The following NACC2 variants were observed in gnomAD, a reference collection of about 807,000 sequenced individuals.
The protein encoded by NACC2 is NACC family member 2.
A neutral mutation model predicts 25.1 loss-of-function variants in NACC2; 8 were observed. That is an observed-to-expected ratio of 0.32 (90% CI 0.19 to 0.57). NACC2 has a LOEUF of 0.57. Ranked by LOEUF, NACC2 falls within the 20% of genes least tolerant of loss-of-function variation. The probability of loss-of-function intolerance (pLI) is 0.89; values close to 1 mark genes in which losing one functional copy is unlikely to be tolerated. For synonymous variants in NACC2, 435 were observed against 294.7 expected, an observed-to-expected ratio of 1.48 and a Z score of -4.88; for missense variants, 644 against 650.2, an observed-to-expected ratio of 0.99 and a Z score of 0.10.
rs913846856 is a variant in NACC2 at position 136,083,172 on chromosome 9, C to T, written c.-60+12017G>A. On this transcript the variant is annotated intron_variant, in intron 1 of 5. Transcript: ENST00000277554. ...TGGAGCGGAGGCTGTTGACATCACACGCTCCCAACAGAAGAGCCAGTGGCC... is the reference window on the plus strand; with the variant it reads ...TGGAGCGGAGGCTGTTGACATCACATGCTCCCAACAGAAGAGCCAGTGGCC... 1.1e-4 allele frequency among the ~76,000 whole-genome samples: 16 copies of T among 152,242 alleles called. No individual in the cohort carries two copies. In the East Asian group the frequency reaches 1.9e-3, roughly 18 times the overall value.
chr9:136,048,645 G>A (rs1048193895), intron 2 of NACC2, among the ~76,000 whole-genome samples: 2 of 152,224 alleles, frequency 1.3e-5, no homozygotes. Context: ...TCCTGCAGGC[G>A]GAGAGGGAGC....
At chr9:136,078,465 T>TA (rs1254494099) in intron 1 of NACC2, among the ~76,000 whole-genome samples, 2 of 152,222 alleles carry the variant, frequency 1.3e-5, no homozygotes, top group African/African-American at 4.8e-5. Context: ...ATTTAATCCT[T>TA]AAAGTAAGCG....
intron 1 of NACC2, among the ~76,000 whole-genome samples, chr9:136,079,493 G>T (rs1425708491): frequency 6.6e-6 from 1 of 152,224 alleles, no homozygotes; most frequent in African/African-American, 2.4e-5. Flanking sequence ...ACGCCAGCAG[G>T]TGGGGCAGCA....
chr9:136,032,880 T>C (rs920680661), intron 2 of NACC2, among the ~76,000 whole-genome samples: 2 of 151,660 alleles, frequency 1.3e-5, no homozygotes, highest in African/African-American at 4.9e-5. Context: ...TACCCAGACA[T>C]GGTGGCAGGC....
chr9:136,015,964 G>A (rs760729364), intron 3 of NACC2, among the ~76,000 whole-genome samples: 10 of 152,300 alleles, frequency 6.6e-5, no homozygotes, highest in Middle Eastern at 3.4e-3. Flanking sequence ...CTCGCGGGGC[G>A]GGGGGACTGG....
At chr9:136,052,520 C>T (rs1288805246) in intron 1 of NACC2, among the ~76,000 whole-genome samples, 5 of 152,044 alleles carry the variant, frequency 3.3e-5, no homozygotes. Flanking sequence ...AAGAGAGGCA[C>T]AGAAACGGCA....
At position 136,088,790 on chromosome 9, in the gene NACC2, G is replaced by A. The variant is rs73554858; in HGVS notation, c.-60+6399C>T. Among the ~76,000 whole-genome samples, 355 of 152,292 alleles carry A rather than the reference G, an allele frequency of 2.3e-3. 2 individuals are homozygous for A. Among genetic ancestry groups the A allele is most frequent in the Middle Eastern group, 0.014 (4 of 294 alleles). On this transcript the variant is annotated intron_variant, in intron 1 of 5. Transcript: ENST00000277554. Reference sequence around the variant, plus strand: ...TGAGGGCTCAGGCCTGGGCGTGGAGGGCGGGATGGGCAGAAAGCACAAGGG... The same window carrying A: ...TGAGGGCTCAGGCCTGGGCGTGGAGAGCGGGATGGGCAGAAAGCACAAGGG...
At position 136,013,507 on chromosome 9, in the gene NACC2, G is replaced by A. The variant is rs1268010644; in HGVS notation, c.1158-211C>T. Among the ~76,000 whole-genome samples the A allele has an allele frequency of 6.6e-6, 1 of 152,236 alleles. No homozygotes were observed. The highest frequency in any genetic ancestry group is 1.5e-5 in the Non-Finnish European group (1 of 68,042). ...GGCTGAGAAGATGACCGGGTGATGG[G>A]GCTGCAAGGTGACCTGAGCCTTGTC... On this transcript the variant is annotated intron_variant, in intron 4 of 5. Coordinates refer to ENST00000277554, the MANE Select transcript of NACC2 (RefSeq NM_144653.5). This position sits in a 1 kb window ranked among gnomAD's most constrained non-coding sequence, Gnocchi z 6.6.
chr9:136,015,813 C>T (rs1440716269), intron 3 of NACC2, among the ~76,000 whole-genome samples: 1 of 152,232 alleles, frequency 6.6e-6, no homozygotes, highest in Non-Finnish European at 1.5e-5. Flanking sequence ...AGGAATCCAA[C>T]ACAAAAGGTA....
intron 1 of NACC2, among the ~76,000 whole-genome samples, chr9:136,093,030 G>A (rs1357796396): frequency 6.6e-6 from 1 of 152,170 alleles, no homozygotes; most frequent in Non-Finnish European, 1.5e-5. Flanking sequence ...TGGGGCCACT[G>A]GGCACTCGGT....
At chr9:136,027,123 G>T (rs1404116740) in intron 2 of NACC2, among the ~76,000 whole-genome samples, 2 of 152,222 alleles carry the variant, frequency 1.3e-5, no homozygotes, top group African/African-American at 2.4e-5. Context: ...TACTCGGGAG[G>T]CTGAGGCACA....
chr9:136,058,057 C>T (rs2131168721), intron 1 of NACC2, among the ~76,000 whole-genome samples: 1 of 152,216 alleles, frequency 6.6e-6, no homozygotes, highest in East Asian at 1.9e-4. Flanking sequence ...GCTTAAAACT[C>T]TCATGTAAAT....
At position 136,086,162 on chromosome 9, in the gene NACC2, T is replaced by C. The variant is rs1279024227; in HGVS notation, c.-60+9027A>G. Among the ~76,000 whole-genome samples the C allele has an allele frequency of 6.6e-6, 1 of 152,154 alleles. No individual in the cohort carries two copies. The highest frequency in any genetic ancestry group is 2.4e-5 in the African/African-American group (1 of 41,444). Reference sequence around the variant, plus strand: ...CCCTTGTTGGACATTCTAAAAACCTTCAGAAGCCACTCCCTGAATGTGGCC... The same window carrying C: ...CCCTTGTTGGACATTCTAAAAACCTCCAGAAGCCACTCCCTGAATGTGGCC... On this transcript the variant is annotated intron_variant, in intron 1 of 5. Coordinates refer to ENST00000277554, the MANE Select transcript of NACC2 (RefSeq NM_144653.5). The surrounding 1 kb of genome is among the most constrained non-coding windows in gnomAD (Gnocchi z 5.6).
chr9:136,086,703 C>A lies in NACC2; in HGVS notation c.-60+8486G>T, dbSNP rs1033402962. 2.6e-5 allele frequency among the ~76,000 whole-genome samples: 4 copies of A among 152,212 alleles called. No homozygotes were observed. Among genetic ancestry groups the A allele is most frequent in the Admixed American group, 2.6e-4 (4 of 15,286 alleles). Reference sequence around the variant, plus strand: ...ATGACAACGCCGACTCCTAGGAAAACCCTCCCCGACCAGTGGCCCCGTTTC... The same window carrying A: ...ATGACAACGCCGACTCCTAGGAAAAACCTCCCCGACCAGTGGCCCCGTTTC... On this transcript the variant is annotated intron_variant, in intron 1 of 5. Transcript: ENST00000277554. The surrounding 1 kb of genome is among the most constrained non-coding windows in gnomAD (Gnocchi z 5.6).
chr9:136,083,450 A>C (rs936825538), intron 1 of NACC2, among the ~76,000 whole-genome samples: 1 of 152,204 alleles, frequency 6.6e-6, no homozygotes, highest in African/African-American at 2.4e-5. Context: ...TCCAAAATCC[A>C]CATGCACCCC....
intron 2 of NACC2, among the ~76,000 whole-genome samples, chr9:136,043,106 C>T (rs1017354098): frequency 9.2e-5 from 14 of 152,052 alleles, no homozygotes; most frequent in Non-Finnish European, 1.9e-4. Context: ...AAGCACTAGC[C>T]GTAAAATACA....
At chr9:136,070,609 G>A (rs1224783206) in intron 1 of NACC2, among the ~76,000 whole-genome samples, 4 of 150,690 alleles carry the variant, frequency 2.7e-5, no homozygotes, top group Admixed American at 6.6e-5. Flanking sequence ...ATTAATGGAT[G>A]TATTAGAAAA....
chr9:136,049,105 G>A (rs1158622510), intron 2 of NACC2, among the ~76,000 whole-genome samples: 1 of 152,222 alleles, frequency 6.6e-6, no homozygotes, highest in Non-Finnish European at 1.5e-5. Flanking sequence ...GCCCAGGACG[G>A]GGAGCAGCCC....
chr9:136,053,784 A>AG (rs1209274757), intron 1 of NACC2, among the ~76,000 whole-genome samples: 4 of 152,310 alleles, frequency 2.6e-5, no homozygotes, highest in Non-Finnish European at 5.9e-5. Context: ...TGAGTCATAC[A>AG]GGGGCTTTTG....
Sources: gnomAD v4.1 joint callset for allele counts (sites outside exome capture counted in the v4.1 genomes callset) on GRCh38, gnomAD v4.1.1 for gene constraint, Gnocchi (gnomAD v3.1) non-coding constraint, MANE v1.5 for transcripts, NCBI Gene and HGNC (gene_info 2026-07-23, HGNC 2026-07-21) for gene names.